The following CENPE variants were observed in gnomAD, a reference collection of about 807,000 sequenced individuals.
CENPE encodes centromere protein E, also known as centromere-associated protein E.
CENPE carries 145 observed loss-of-function variants against 336.1 expected under a neutral mutation model. The observed-to-expected ratio is 0.43, with a 90% CI of 0.38 to 0.50. The LOEUF is 0.50. Ranked by LOEUF, CENPE falls within the 20% of genes least tolerant of loss-of-function variation. CENPE has a pLI of 0.00. For missense variants in CENPE, 2,719 were observed against 3,023.3 expected, an observed-to-expected ratio of 0.90 and a Z score of 2.36; for synonymous variants, 1,013 against 984.8, an observed-to-expected ratio of 1.03 and a Z score of -0.54.
intron 16 of CENPE, among the ~76,000 whole-genome samples, chr4:103,163,929 T>C (rs1754692781): frequency 6.6e-6 from 1 of 152,140 alleles, no homozygotes; most frequent in South Asian, 2.1e-4. Flanking sequence ...GATTTTTGTT[T>C]TCAGTCAGTT....
chr4:103,167,534 C>T (rs1480975176), intron 16 of CENPE, among the ~76,000 whole-genome samples: 1 of 152,080 alleles, frequency 6.6e-6, no homozygotes, highest in Admixed American at 6.5e-5. Context: ...TAAGACAATA[C>T]TTCTGAGTGA....
chr4:103,174,094 C>T (rs1755654395), intron 16 of CENPE, among the ~76,000 whole-genome samples: 1 of 151,428 alleles, frequency 6.6e-6, no homozygotes, highest in Admixed American at 6.6e-5. Flanking sequence ...GATATGGAAC[C>T]AACCTAAGAG....
Position 103,139,963 on chromosome 4 carries a change from GT to G in CENPE, c.6029del (p.Asn2010ThrfsTer7). On this transcript the variant is annotated frameshift_variant, in exon 38 of 49. Coordinates refer to ENST00000265148, the MANE Select transcript of CENPE (RefSeq NM_001813.3). LOFTEE classifies it high-confidence loss of function. ...CCATTCTCACACTTTGCATAGATAA[GT>G]TTTGGGCCTCAAATTGCTTCTTCAA... is the stretch of plus-strand genomic sequence containing the variant. ...EQLKKQFEAQ[N>X]LSMQSVRMDN... 6.2e-7 allele frequency: 1 copy of G among 1,613,338 alleles called. No individual in the cohort carries two copies. Among genetic ancestry groups the G allele is most frequent in the African/African-American group, 1.3e-5 (1 of 75,020 alleles).
At chr4:103,168,834 A>G (rs1403366647) in intron 16 of CENPE, among the ~76,000 whole-genome samples, 1 of 152,158 alleles carries the variant, frequency 6.6e-6, no homozygotes, top group Non-Finnish European at 1.5e-5. Flanking sequence ...CATACTATAG[A>G]TCTTGAAAAG....
At chr4:103,151,859 A>G (rs1292955813) in intron 25 of CENPE, among the ~76,000 whole-genome samples, 1 of 152,200 alleles carries the variant, frequency 6.6e-6, no homozygotes, top group Non-Finnish European at 1.5e-5. Flanking sequence ...CAAGACCACA[A>G]AAACATAACA....
intron 20 of CENPE, 97 bp downstream of exon 20, chr4:103,160,989 A>T (rs1754393785): frequency 9.1e-7 from 1 of 1,103,752 alleles, no homozygotes; most frequent in Admixed American, 2.8e-5. Context: ...TCAGAGTATA[A>T]TGAATTTTTA....
intron 25 of CENPE, among the ~76,000 whole-genome samples, chr4:103,152,060 T>C (rs537913547): frequency 3.0e-4 from 46 of 151,696 alleles, no homozygotes; most frequent in African/African-American, 9.4e-4. Context: ...CCCCTAAACA[T>C]AGAAAACCTA....
intron 40 of CENPE, 44 bp from the exon 41 acceptor site, chr4:103,133,936 C>T (rs1751840125): frequency 7.9e-7 from 1 of 1,269,490 alleles, no homozygotes; most frequent in Non-Finnish European, 1.1e-6. Flanking sequence ...AAAATTTTGT[C>T]ACATGTAGAG....
intron 28 of CENPE, 47 bp from the exon 29 acceptor site, chr4:103,147,693 T>C (rs766623440): frequency 4.6e-6 from 7 of 1,533,342 alleles, no homozygotes; most frequent in East Asian, 2.3e-5. Context: ...GAGATTATGA[T>C]CATAATTTTT....
At position 103,149,142 on chromosome 4, in the gene CENPE, T is replaced by C. The variant is rs1753325239; in HGVS notation, c.3663A>G (p.Gly1221=). 1 of 1,595,474 alleles carries C rather than the reference T, an allele frequency of 6.3e-7. No individual in the cohort carries two copies. Among genetic ancestry groups the C allele is most frequent in the South Asian group, 1.1e-5 (1 of 87,638 alleles). ...CTGTAGCTTCAATTTCTCTTATATA[T>C]CCTCTAAGGTGGTCTCTCTCTGTTT... ...SFETERDHLR[G]YIREIEATGL... is the part of the protein sequence containing the mutation. The change falls in exon 27 of 49, where the codon GGA becomes GGG. Residue 1221 remains glycine, a synonymous_variant. Coordinates refer to ENST00000265148, the MANE Select transcript of CENPE (RefSeq NM_001813.3).
chr4:103,115,961 G>C (rs972908073), intron 45 of CENPE, among the ~76,000 whole-genome samples: 8 of 151,954 alleles, frequency 5.3e-5, no homozygotes, highest in African/African-American at 1.9e-4. Context: ...TCTATCTCCT[G>C]ACCTCGTGAT....
chr4:103,151,966 T>G lies in CENPE; in HGVS notation c.3238-589A>C, dbSNP rs117299105. Among the ~76,000 whole-genome samples the G allele has an allele frequency of 1.4e-4, 21 of 152,300 alleles. No homozygotes were observed. The East Asian group carries it at 4.0e-3, about 29-fold the overall frequency. On this transcript the variant is annotated intron_variant, in intron 25 of 48. Coordinates refer to ENST00000265148, the MANE Select transcript of CENPE (RefSeq NM_001813.3). The stretch of plus-strand genomic sequence containing the variant: ...AGACAATCCCCAAAACTTATAAAAT[T>G]AAAACAATACAAATGGTCGCATTCT...
At chr4:103,183,641 C>G (rs890257273) in intron 9 of CENPE, among the ~76,000 whole-genome samples, 2 of 152,064 alleles carry the variant, frequency 1.3e-5, no homozygotes. Context: ...AACTTACAAC[C>G]AAATTAGCCT....
In CENPE at chr4:103,198,255, C is replaced by T. The variant is rs570147688; in HGVS notation, c.56+9G>A. On this transcript the variant is annotated intron_variant, in intron 1 of 48. Transcript: ENST00000265148. ...CAGCGGGCACCGGGCCGTGGTGTGG[C>T]CCCCCTACCTGCTGTTCAGCGGCCG... 7 of 1,549,780 alleles carry T rather than the reference C, an allele frequency of 4.5e-6. No homozygotes were observed. The African/African-American group carries it at 6.8e-5, about 15-fold the overall frequency.
intron 24 of CENPE, 24 bp downstream of exon 24, chr4:103,158,276 A>C: frequency 1.9e-6 from 3 of 1,564,744 alleles, no homozygotes; most frequent in African/African-American, 2.8e-5. Context: ...GCATATGAAA[A>C]CTCTGAAAAT....
intron 33 of CENPE, 135 bp from the exon 34 acceptor site, chr4:103,143,541 T>C: frequency 7.9e-6 from 5 of 635,404 alleles, no homozygotes; most frequent in East Asian, 2.7e-5. Flanking sequence ...AAGCTACTTT[T>C]AGATGTCAAT....
intron 44 of CENPE, among the ~76,000 whole-genome samples, chr4:103,117,492 A>AT (rs1396911274): frequency 6.0e-5 from 9 of 151,174 alleles, no homozygotes; most frequent in Admixed American, 2.0e-4. Context: ...GCAACTGTTT[A>AT]TTTTTTTACT....
At chr4:103,156,220 A>T (rs1323641540) in intron 24 of CENPE, among the ~76,000 whole-genome samples, 1 of 152,198 alleles carries the variant, frequency 6.6e-6, no homozygotes, top group Non-Finnish European at 1.5e-5. Flanking sequence ...CTTTTGCAGA[A>T]TTAGAAAAAT....
At chr4:103,187,906 T>C (rs1461930621) in intron 8 of CENPE, among the ~76,000 whole-genome samples, 13 of 151,988 alleles carry the variant, frequency 8.6e-5, no homozygotes, top group Non-Finnish European at 1.6e-4. Context: ...ACCCATCTCA[T>C]GTGCAGAGAC....
Sources: allele counts gnomAD v4.1 joint callset (sites outside exome capture counted in the v4.1 genomes callset), GRCh38; gene constraint gnomAD v4.1.1; transcripts MANE v1.5; gene names NCBI Gene and HGNC (gene_info 2026-07-23, HGNC 2026-07-21).